UGCG: variants seen among roughly 807,000 people sequenced by gnomAD.
UGCG encodes the protein UDP-glucose ceramide glucosyltransferase.
In UGCG, 10 loss-of-function variants were observed where a neutral mutation model predicts 49.5. The ratio of observed to expected loss-of-function variants is 0.20; its 90% CI spans 0.12 to 0.34. The LOEUF is 0.34. UGCG is among the 10% of genes least tolerant of loss of function. The pLI is 1.00. For synonymous variants in UGCG, 182 were observed against 158.2 expected (o/e 1.15, Z -1.13); for missense variants, 312 against 483.7 (o/e 0.65, Z 3.33).
At chr9:111,918,800 C>T (rs1838159359) in intron 2 of UGCG, among the ~76,000 whole-genome samples, 1 of 151,814 alleles carries the variant, frequency 6.6e-6, no homozygotes, top group African/African-American at 2.4e-5. Flanking sequence ...TGGCGGGTGC[C>T]TGTAGTCCCA....
chr9:111,908,409 C>A (rs1293379615), intron 1 of UGCG, among the ~76,000 whole-genome samples: 1 of 152,162 alleles, frequency 6.6e-6, no homozygotes, highest in Non-Finnish European at 1.5e-5. Flanking sequence ...ACAGTGAGTA[C>A]CCTTGAGGGG....
chr9:111,906,113 T>G (rs1243916756), intron 1 of UGCG, among the ~76,000 whole-genome samples: 1 of 152,172 alleles, frequency 6.6e-6, no homozygotes, highest in Non-Finnish European at 1.5e-5. Flanking sequence ...TCACTTGTGA[T>G]CTCTACCTGT....
rs1162322156 is a variant in UGCG at position 111,932,838 on chromosome 9, G to T, written c.1026G>T (p.Leu342=). The part of the protein sequence containing the change: ...IQLRGVQGGT[L]CFSKLDYAVA... ...TTTTCCATTCCTAGGGTGGCACACT[G>T]TGTTTTTCAAAACTTGATTATGCAG... Residue 342 remains leucine, a synonymous_variant, in exon 9 of 9, where the codon CTG becomes CTT. Coordinates refer to ENST00000374279, the MANE Select transcript of UGCG (RefSeq NM_003358.3). 2 of 1,596,568 alleles carry T rather than the reference G, an allele frequency of 1.3e-6. No individual in the cohort carries two copies. Among genetic ancestry groups the T allele is most frequent in the African/African-American group, 1.3e-5 (1 of 74,306 alleles).
At chr9:111,921,165 A>G (rs1838215845) in intron 2 of UGCG, among the ~76,000 whole-genome samples, 1 of 152,016 alleles carries the variant, frequency 6.6e-6, no homozygotes, top group Non-Finnish European at 1.5e-5. Flanking sequence ...TGGCTTCCTG[A>G]GGTGCTGGGA....
chr9:111,912,196 A>G lies in UGCG; in HGVS notation c.99-2409A>G, dbSNP rs59693483. On this transcript the variant is annotated intron_variant, in intron 1 of 8. Coordinates refer to ENST00000374279, the MANE Select transcript of UGCG (RefSeq NM_003358.3). ...ACTTTTGTGGTTATATGCGTTTTAG[A>G]TCGTGGTTTTACCTGTCTGGTCCTC... 7.0e-3 allele frequency among the ~76,000 whole-genome samples: 1,068 copies of G among 151,790 alleles called. 20 individuals carry two copies. Among genetic ancestry groups the G allele is most frequent in the African/African-American group, 0.024 (1,010 of 41,338 alleles).
chr9:111,902,928 C>T (rs976488227), intron 1 of UGCG, among the ~76,000 whole-genome samples: 2 of 152,216 alleles, frequency 1.3e-5, no homozygotes, highest in Non-Finnish European at 2.9e-5. Context: ...CAAGCACGTG[C>T]CACCACACCC....
chr9:111,897,067 C>G lies in UGCG; in HGVS notation c.-149C>G. 1.9e-5 allele frequency: 5 copies of G among 261,450 alleles called. No individual in the cohort carries two copies. Among genetic ancestry groups the G allele is most frequent in the East Asian group, 1.5e-4 (1 of 6,762 alleles). 16.2% of individuals were successfully genotyped at this position (261,450 alleles called of 1,614,324 possible). On this transcript the variant is annotated 5_prime_UTR_variant, in exon 1 of 9. Coordinates refer to ENST00000374279, the MANE Select transcript of UGCG (RefSeq NM_003358.3). ...GGCGCGCAGGCCCTGCCCGCCCCTT[C>G]CGTCCCCACCCCCCTCCGCCCTTTC...
chr9:111,906,793 A>G (rs565408470), intron 1 of UGCG, among the ~76,000 whole-genome samples: 11 of 152,100 alleles, frequency 7.2e-5, no homozygotes, highest in South Asian at 2.1e-4. Context: ...GACCTTTGCA[A>G]TATTTTTCCC....
intron 1 of UGCG, among the ~76,000 whole-genome samples, chr9:111,900,651 G>A (rs543569411): frequency 1.3e-5 from 2 of 151,954 alleles, no homozygotes; most frequent in East Asian, 3.9e-4. Context: ...CTACAGGCAT[G>A]CCTGGCTAAT....
chr9:111,918,331 C>T (rs1475763089), intron 2 of UGCG, among the ~76,000 whole-genome samples: 3 of 152,128 alleles, frequency 2.0e-5, no homozygotes, highest in East Asian at 1.9e-4. Flanking sequence ...TGTGAGCCAC[C>T]GTGCCTGGCC....
At chr9:111,901,744 A>G (rs1286590256) in intron 1 of UGCG, among the ~76,000 whole-genome samples, 2 of 152,188 alleles carry the variant, frequency 1.3e-5, no homozygotes, top group Non-Finnish European at 2.9e-5. Context: ...GTATTCAGTG[A>G]TGGTTCTATT....
chr9:111,929,914 G>A (rs989223791), intron 6 of UGCG, among the ~76,000 whole-genome samples: 1 of 152,112 alleles, frequency 6.6e-6, no homozygotes, highest in Non-Finnish European at 1.5e-5. Flanking sequence ...TGCCTCCCGG[G>A]TTCAGGTGAT....
chr9:111,918,667 C>T (rs1838154308), intron 2 of UGCG, among the ~76,000 whole-genome samples: 1 of 152,180 alleles, frequency 6.6e-6, no homozygotes, highest in African/African-American at 2.4e-5. Context: ...GGGGCGGTGG[C>T]TCACGCCTGT....
rs1207972749 is a variant in UGCG at position 111,897,157 on chromosome 9, C to T, written c.-59C>T. The T allele has an allele frequency of 6.8e-7, 1 of 1,476,476 alleles. No individual in the cohort carries two copies. Among genetic ancestry groups the T allele is most frequent in the South Asian group, 1.2e-5 (1 of 81,720 alleles). The allele number at this position is 1,476,476 out of a possible 1,614,324, so 91.5% of individuals were successfully genotyped here. A position where few individuals can be genotyped will look rare whatever the true frequency, so the allele number is the denominator to read the frequency against. On this transcript the variant is annotated 5_prime_UTR_variant, in exon 1 of 9. Coordinates refer to ENST00000374279, the MANE Select transcript of UGCG (RefSeq NM_003358.3). ...GGGCGCCCACCCTGTCCTCCTCCTGCGGGAGCGTTGTCCGTGTTGGCGGCC... is the reference window on the plus strand; with the variant it reads ...GGGCGCCCACCCTGTCCTCCTCCTGTGGGAGCGTTGTCCGTGTTGGCGGCC...
intron 1 of UGCG, 23 bp from the exon 2 acceptor site, chr9:111,914,581 AT>A (rs1564200837): frequency 1.2e-6 from 2 of 1,610,034 alleles, no homozygotes; most frequent in Non-Finnish European, 1.7e-6. Context: ...TATAGAAATA[AT>A]TTTTATATCA....
chr9:111,897,572 C>T (rs576693051), intron 1 of UGCG, among the ~76,000 whole-genome samples: 1 of 152,264 alleles, frequency 6.6e-6, no homozygotes, highest in Admixed American at 6.5e-5. Context: ...ACTGCTCTTA[C>T]GTGTCAGGCT....
intron 2 of UGCG, among the ~76,000 whole-genome samples, chr9:111,921,583 G>A (rs944975546): frequency 1.3e-5 from 2 of 151,480 alleles, no homozygotes; most frequent in Admixed American, 6.6e-5. Context: ...CCTGGGAGGC[G>A]GAGGTTGCAG....
chr9:111,933,117 C>A lies in UGCG; in HGVS notation c.*120C>A. 3.4e-5 allele frequency: 31 copies of A among 923,612 alleles called. No individual in the cohort carries two copies. The highest frequency in any genetic ancestry group is 5.2e-5 in the South Asian group (1 of 19,274). The allele number at this position is 923,612 out of a possible 1,614,324, so 57.2% of individuals were successfully genotyped here. On this transcript the variant is annotated 3_prime_UTR_variant, in exon 9 of 9. Coordinates refer to ENST00000374279, the MANE Select transcript of UGCG (RefSeq NM_003358.3). ...TCACATGTATGTTTTGGTATCTGTT[C>A]TTTAATTTATTTTTGCATGGCACTT...
In UGCG at chr9:111,934,371, A is replaced by C. The variant is rs531461146; in HGVS notation, c.*1374A>C. 2.0e-5 allele frequency: 3 copies of C among 151,970 alleles called. No homozygotes were observed. Among genetic ancestry groups the C allele is most frequent in the Admixed American group, 6.5e-5 (1 of 15,280 alleles). The allele number at this position is 151,970 out of a possible 1,614,324, so 9.4% of individuals were successfully genotyped here. A position where few individuals can be genotyped will look rare whatever the true frequency, so the allele number is the denominator to read the frequency against. ...TGTTTTGTTTTTTTAAAAAAAAAAAACAAAAATGTAAGGGACAGTGCATAA... is the reference window on the plus strand; with the variant it reads ...TGTTTTGTTTTTTTAAAAAAAAAAACCAAAAATGTAAGGGACAGTGCATAA... On this transcript the variant is annotated 3_prime_UTR_variant, in exon 9 of 9. Coordinates refer to ENST00000374279, the MANE Select transcript of UGCG (RefSeq NM_003358.3).
Sources: gnomAD v4.1 joint callset for allele counts (sites outside exome capture counted in the v4.1 genomes callset) on GRCh38, gnomAD v4.1.1 for gene constraint, MANE v1.5 for transcripts, NCBI Gene and HGNC (gene_info 2026-07-23, HGNC 2026-07-21) for gene names.